PCDHA10: variants seen among roughly 807,000 people sequenced by gnomAD.
PCDHA10 encodes the protein protocadherin alpha 10.
A neutral mutation model predicts 61.2 loss-of-function variants in PCDHA10; 45 were observed. The observed-to-expected ratio is 0.74, with a 90% CI of 0.58 to 0.94. The LOEUF is 0.94. Ranked by LOEUF, PCDHA10 falls within the 40% of genes least tolerant of loss-of-function variation. PCDHA10 has a pLI of 0.00. For missense variants in PCDHA10, 1,278 were observed against 1,236.2 expected (o/e 1.03, Z -0.51); for synonymous variants, 602 against 548.8 (o/e 1.10, Z -1.35).
At chr5:140,985,616 G>C in intron 3 of PCDHA10, among the ~76,000 whole-genome samples, 1 of 152,104 alleles carries the variant, frequency 6.6e-6, no homozygotes, top group African/African-American at 2.4e-5. Flanking sequence ...CCGTGAACCA[G>C]CTGTGTATTG....
At chr5:140,934,957 G>A (rs2090122349) in intron 1 of PCDHA10, among the ~76,000 whole-genome samples, 1 of 152,250 alleles carries the variant, frequency 6.6e-6, no homozygotes, top group Non-Finnish European at 1.5e-5. Context: ...GATCCCATGT[G>A]CTTGTCACCC....
chr5:140,945,275 A>G (rs1205952276), intron 1 of PCDHA10, among the ~76,000 whole-genome samples: 2 of 152,186 alleles, frequency 1.3e-5, no homozygotes, highest in Non-Finnish European at 2.9e-5. Context: ...TGAAAACTTT[A>G]AAACATTGAT....
intron 1 of PCDHA10, among the ~76,000 whole-genome samples, chr5:140,892,616 G>C (rs781995267): frequency 6.6e-6 from 1 of 151,910 alleles, no homozygotes; most frequent in Non-Finnish European, 1.5e-5. Flanking sequence ...TTTATTTCCA[G>C]TTGGTACATA....
intron 1 of PCDHA10, among the ~76,000 whole-genome samples, chr5:140,953,275 C>G (rs1290645865): frequency 6.6e-6 from 1 of 152,074 alleles, no homozygotes; most frequent in African/African-American, 2.4e-5. Context: ...AGCCTTTGCT[C>G]TTTATATGTG....
chr5:140,880,066 C>T (rs1582502313), intron 1 of PCDHA10, among the ~76,000 whole-genome samples: 1 of 152,176 alleles, frequency 6.6e-6, no homozygotes, highest in East Asian at 1.9e-4. Flanking sequence ...TTTTTGGGGA[C>T]CACAATTCAA....
At chr5:140,914,393 C>A (rs1338816793) in intron 1 of PCDHA10, among the ~76,000 whole-genome samples, 1 of 152,080 alleles carries the variant, frequency 6.6e-6, no homozygotes, top group Non-Finnish European at 1.5e-5. Context: ...AGTGTAGTTA[C>A]CCCTGCTCCT....
chr5:140,876,106 C>G, intron 1 of PCDHA10: 1 of 1,613,942 alleles, frequency 6.2e-7, no homozygotes, highest in Admixed American at 1.7e-5. Context: ...CAATTTATTG[C>G]TGATGGTAAT....
Position 140,856,310 on chromosome 5 carries a change from C to A in PCDHA10, c.262C>A (p.Arg88=). Residue 88 remains arginine, a synonymous_variant, in exon 1 of 4, where the codon CGG becomes AGG. Transcript: ENST00000307360. ...GAATGGCATTTTGTTTGTGAATTCT[C>A]GGATTGACCGCGAGGAGCTGTGCGG... ...LQNGILFVNS[R]IDREELCGRS... 2 of 1,598,548 alleles carry A rather than the reference C, an allele frequency of 1.3e-6. No homozygotes were observed. Among genetic ancestry groups the A allele is most frequent in the Non-Finnish European group, 1.7e-6 (2 of 1,168,050 alleles).
At chr5:140,880,857 A>G (rs1296520788) in intron 1 of PCDHA10, among the ~76,000 whole-genome samples, 1 of 152,234 alleles carries the variant, frequency 6.6e-6, no homozygotes, top group African/African-American at 2.4e-5. Flanking sequence ...ATGTAGTCTA[A>G]TTATGTGAAG....
At chr5:140,933,392 T>C (rs1298872630) in intron 1 of PCDHA10, among the ~76,000 whole-genome samples, 3 of 152,044 alleles carry the variant, frequency 2.0e-5, no homozygotes, top group Non-Finnish European at 2.9e-5. Context: ...CCTAGAGCCA[T>C]CTGGTTACCA....
In PCDHA10 at chr5:140,883,629, C is replaced by T. The variant is rs1467301210; in HGVS notation, c.2388+25193C>T. ...GCCGACGTGAACGACAACGCGCCGGCGTTCGCGCAGCCCGAGTACACGGTG... is the reference window on the plus strand; with the variant it reads ...GCCGACGTGAACGACAACGCGCCGGTGTTCGCGCAGCCCGAGTACACGGTG... On this transcript the variant is annotated intron_variant, in intron 1 of 3. Transcript: ENST00000307360. 6.2e-7 allele frequency: 1 copy of T among 1,613,868 alleles called. No individual in the cohort carries two copies. Among genetic ancestry groups the T allele is most frequent in the African/African-American group, 1.3e-5 (1 of 74,936 alleles).
chr5:140,872,471 T>TA (rs1468696649), intron 1 of PCDHA10, among the ~76,000 whole-genome samples: 3 of 152,026 alleles, frequency 2.0e-5, no homozygotes, highest in Non-Finnish European at 4.4e-5. Context: ...TATAAAAAAT[T>TA]AAAAAATTAG....
At chr5:140,862,800 G>T (rs782261222) in intron 1 of PCDHA10, 1 of 575,550 alleles carries the variant, frequency 1.7e-6, no homozygotes, top group African/African-American at 2.0e-5. Flanking sequence ...AGGAGCTGGA[G>T]CTGCTGCAGT....
chr5:140,859,869 C>T (rs2046062813), intron 1 of PCDHA10: 1 of 151,680 alleles, frequency 6.6e-6, no homozygotes, highest in South Asian at 2.1e-4. Flanking sequence ...TATATACTTC[C>T]CCCTCTGATA....
chr5:140,944,992 C>T (rs561484046), intron 1 of PCDHA10, among the ~76,000 whole-genome samples: 11 of 152,114 alleles, frequency 7.2e-5, no homozygotes, highest in South Asian at 2.1e-4. Flanking sequence ...ACTTCTGTAA[C>T]GGTTGTGGGT....
chr5:140,992,798 CAT>C (rs1554253202), intron 3 of PCDHA10, among the ~76,000 whole-genome samples: 1 of 152,076 alleles, frequency 6.6e-6, no homozygotes, highest in African/African-American at 2.4e-5. Context: ...TTTATGGATC[CAT>C]ATGTATCTAA....
At chr5:140,864,164 C>T (rs80100422) in intron 1 of PCDHA10, 19,126 of 151,926 alleles carry the variant, frequency 0.13, 1,273 homozygotes, top group Middle Eastern at 0.19. Context: ...TAAATCTTAC[C>T]GGAAGGATCA....
chr5:140,928,351 G>A lies in PCDHA10; in HGVS notation c.2389-50598G>A, dbSNP rs201396871. ...CCTTGTCTCTTATGAGCTGTTGGAT[G>A]TTATCTCTGAAGGGCCATCAGCCTC... On this transcript the variant is annotated intron_variant, in intron 1 of 3. Coordinates refer to ENST00000307360, the MANE Select transcript of PCDHA10 (RefSeq NM_018901.4). The A allele has an allele frequency of 1.2e-5, 20 of 1,614,150 alleles. No individual in the cohort carries two copies. In the East Asian group the frequency reaches 4.5e-4, roughly 36 times the overall value.
intron 1 of PCDHA10, among the ~76,000 whole-genome samples, chr5:140,960,656 G>T (rs553083977): frequency 1.3e-5 from 2 of 152,218 alleles, no homozygotes; most frequent in Admixed American, 1.3e-4. Context: ...CCAAATCAAT[G>T]AATGCTTTGG....
Sources: allele counts gnomAD v4.1 joint callset (sites outside exome capture counted in the v4.1 genomes callset), GRCh38; gene constraint gnomAD v4.1.1; transcripts MANE v1.5; gene names NCBI Gene and HGNC (gene_info 2026-07-23, HGNC 2026-07-21).